The following ANXA8 variants were observed in gnomAD, a reference collection of about 807,000 sequenced individuals.
ANXA8 encodes the protein VAC-beta.
In ANXA8, 9 loss-of-function variants were observed where a neutral mutation model predicts 26.8. The observed-to-expected ratio is 0.34, with a 90% CI of 0.20 to 0.59. ANXA8 has a LOEUF of 0.59. Among genes scored for constraint, ANXA8 ranks in the 20% least tolerant of loss-of-function variants. ANXA8 has a pLI of 0.84. For synonymous variants in ANXA8, 39 were observed against 94.8 expected, an observed-to-expected ratio of 0.41 and a Z score of 3.42; for missense variants, 83 against 238.5, an observed-to-expected ratio of 0.35 and a Z score of 4.29.
At chr10:47,743,330 A>ATATATATATACACATG in the ANXA8 span, among the ~76,000 whole-genome samples, 1 of 25,786 alleles carries the variant, frequency 3.9e-5, no homozygotes, top group Non-Finnish European at 1.1e-4. Flanking sequence ...ATATATATAC[A>ATATATATATACACATG]TATATATATA....
At chr10:47,905,724 G>A in the ANXA8 span, among the ~76,000 whole-genome samples, 1 of 145,902 alleles carries the variant, frequency 6.9e-6, no homozygotes, top group Non-Finnish European at 1.5e-5. Context: ...CTGTAAGCTA[G>A]GATAGAACCC....
At chr10:47,947,765 T>G in the ANXA8 span, among the ~76,000 whole-genome samples, 2 of 150,478 alleles carry the variant, frequency 1.3e-5, no homozygotes, top group African/African-American at 4.9e-5. Context: ...CCTCTTTAAC[T>G]CATAAATTAC....
the ANXA8 span, among the ~76,000 whole-genome samples, chr10:47,966,962 TATGTTTTTTCCCC>T: frequency 6.7e-6 from 1 of 148,434 alleles, no homozygotes; most frequent in Admixed American, 6.8e-5. Flanking sequence ...GATTCCAAAT[TATGTTTTTTCCCC>T]ATGACCCTAA....
chr10:47,733,209 CTTTCTTT>C, the ANXA8 span, among the ~76,000 whole-genome samples: 1 of 63,976 alleles, frequency 1.6e-5, no homozygotes, highest in Non-Finnish European at 3.5e-5. Context: ...TTCTTTCTTT[CTTTCTTT>C]CTTTCTCTTT....
the ANXA8 span, among the ~76,000 whole-genome samples, chr10:47,518,570 CCTAG>C: frequency 1.6e-5 from 2 of 122,558 alleles, no homozygotes; most frequent in Non-Finnish European, 3.3e-5. Context: ...TGCCACCATG[CCTAG>C]CTAATTTTTT....
chr10:47,738,712 G>A, the ANXA8 span, among the ~76,000 whole-genome samples: 3 of 151,860 alleles, frequency 2.0e-5, no homozygotes, highest in East Asian at 1.9e-4. Flanking sequence ...TGGTAACTGG[G>A]GCTACAGGCA....
At chr10:47,894,183 C>CTT in the ANXA8 span, among the ~76,000 whole-genome samples, 1 of 114,778 alleles carries the variant, frequency 8.7e-6, no homozygotes, top group Non-Finnish European at 1.8e-5. Flanking sequence ...GGGGTGCTCG[C>CTT]TTTTTTGAAG....
At chr10:47,703,851 G>T in the ANXA8 span, among the ~76,000 whole-genome samples, 2 of 147,114 alleles carry the variant, frequency 1.4e-5, 1 homozygote, top group Non-Finnish European at 3.0e-5. Flanking sequence ...TAAATTCTTT[G>T]ATATTATCCA....
At chr10:47,769,754 T>C in the ANXA8 span, among the ~76,000 whole-genome samples, 3 of 152,310 alleles carry the variant, frequency 2.0e-5, no homozygotes, top group African/African-American at 7.2e-5. Flanking sequence ...AATTAAATGA[T>C]TGGTCTCAAG....
the ANXA8 span, among the ~76,000 whole-genome samples, chr10:47,646,683 G>A: frequency 6.6e-6 from 1 of 151,594 alleles, no homozygotes; most frequent in Non-Finnish European, 1.5e-5. Flanking sequence ...ATTTTCATCT[G>A]TAACCAACCA....
chr10:47,673,579 C>T, the ANXA8 span, among the ~76,000 whole-genome samples: 5 of 151,062 alleles, frequency 3.3e-5, no homozygotes, highest in African/African-American at 7.4e-5. Flanking sequence ...GCAAGGTGTG[C>T]GACTGGAGAG....
chr10:47,956,974 C>T, the ANXA8 span, among the ~76,000 whole-genome samples: 2 of 150,424 alleles, frequency 1.3e-5, no homozygotes, highest in Admixed American at 6.6e-5. Context: ...TTTTACTTCT[C>T]CATCTTTCCA....
chr10:47,683,223 A>AT, the ANXA8 span, among the ~76,000 whole-genome samples: 26,558 of 110,854 alleles, frequency 0.24, 3,136 homozygotes, highest in East Asian at 0.46. Flanking sequence ...GCATTTACTA[A>AT]TTTTTTTTTT....
chr10:47,686,842 T>G, the ANXA8 span, among the ~76,000 whole-genome samples: 2 of 151,936 alleles, frequency 1.3e-5, no homozygotes, highest in East Asian at 1.9e-4. Context: ...GTGAAAACTT[T>G]TATAACAAAA....
the ANXA8 span, chr10:47,986,597 A>G: frequency 1.7e-5 from 6 of 359,266 alleles, no homozygotes; most frequent in Non-Finnish European, 1.1e-5. Context: ...AGTGCAGTTG[A>G]AGTGGCTTTG....
the ANXA8 span, among the ~76,000 whole-genome samples, chr10:47,957,097 G>T: frequency 6.2e-3 from 931 of 150,268 alleles, 21 homozygotes; most frequent in Non-Finnish European, 0.01. Flanking sequence ...GGCTTTGATT[G>T]GGTATAATCA....
At chr10:47,533,433 CA>C in the ANXA8 span, among the ~76,000 whole-genome samples, 1 of 146,418 alleles carries the variant, frequency 6.8e-6, no homozygotes, top group South Asian at 2.2e-4. Context: ...ACCTCTGTGT[CA>C]GAAAAATTTC....
chr10:47,772,862 A>AGAGAT, the ANXA8 span, among the ~76,000 whole-genome samples: 1 of 107,948 alleles, frequency 9.3e-6, no homozygotes, highest in African/African-American at 3.7e-5. Flanking sequence ...CCAGCACCCC[A>AGAGAT]GAGATCAGCA....
the ANXA8 span, among the ~76,000 whole-genome samples, chr10:47,546,504 G>A: frequency 7.8e-6 from 1 of 128,632 alleles, no homozygotes; most frequent in Non-Finnish European, 1.6e-5. Context: ...CCGGATTCAT[G>A]CCATTCTTCT....
Sources: gnomAD v4.1 joint callset for allele counts (sites outside exome capture counted in the v4.1 genomes callset) on GRCh38, gnomAD v4.1.1 for gene constraint, MANE v1.5 for transcripts, NCBI Gene and HGNC (gene_info 2026-07-23, HGNC 2026-07-21) for gene names.